The following METTL16 variants were observed in gnomAD, a reference collection of about 807,000 sequenced individuals.
The protein encoded by METTL16 is RNA N(6)-adenosine-methyltransferase METTL16.
METTL16 carries 19 observed loss-of-function variants against 57.9 expected under a neutral mutation model. The observed-to-expected ratio is 0.33, with a 90% CI of 0.23 to 0.48. The LOEUF (loss-of-function observed/expected upper bound fraction) is 0.48. Among genes scored for constraint, METTL16 ranks in the 20% least tolerant of loss-of-function variants. METTL16 has a pLI of 0.99. For synonymous variants in METTL16, 246 were observed against 255.6 expected (o/e 0.96, Z 0.36); for missense variants, 434 against 691.5 (o/e 0.63, Z 4.18).
rs1227770322 is a variant in METTL16, at chr17:2,418,248, A to T, written c.*1722T>A. 1 of 151,742 alleles carries T rather than the reference A, an allele frequency of 6.6e-6. No homozygotes were observed. The highest frequency in any genetic ancestry group is 1.5e-5 in the Non-Finnish European group (1 of 67,948). 9.4% of individuals were successfully genotyped at this position (151,742 alleles called of 1,614,324 possible). A position where few individuals can be genotyped will look rare whatever the true frequency, so the allele number is the denominator to read the frequency against. ...CATGCTCACAGAGCTTTTAGAAGTA[A>T]CTCTAGGAGGTACATGGACTCTCTG... On this transcript the variant is annotated 3_prime_UTR_variant, in exon 10 of 10. Coordinates refer to ENST00000263092, the MANE Select transcript of METTL16 (RefSeq NM_024086.4).
chr17:2,447,960 G>GC (rs2067023251), intron 6 of METTL16, among the ~76,000 whole-genome samples: 2 of 107,310 alleles, frequency 1.9e-5, no homozygotes, highest in African/African-American at 4.0e-5. Flanking sequence ...GGGGGGATCA[G>GC]CCCCCCGCCT....
intron 1 of METTL16, among the ~76,000 whole-genome samples, chr17:2,507,513 G>A (rs1266889813): frequency 4.7e-5 from 7 of 148,926 alleles, no homozygotes; most frequent in Non-Finnish European, 9.0e-5. Context: ...GGGGGGGTCA[G>A]CCCCCCGCCC....
intron 2 of METTL16, among the ~76,000 whole-genome samples, chr17:2,485,525 T>C (rs368881160): frequency 2.1e-4 from 32 of 152,260 alleles, no homozygotes; most frequent in East Asian, 7.7e-4. Context: ...AACAGTAGAA[T>C]TGTAAAGAAA....
At chr17:2,494,998 A>G (rs112141753) in intron 2 of METTL16, among the ~76,000 whole-genome samples, 4,068 of 151,786 alleles carry the variant, frequency 0.027, 98 homozygotes, top group African/African-American at 0.067. Context: ...AGACAGATCT[A>G]GGCAAAGTAA....
intron 1 of METTL16, among the ~76,000 whole-genome samples, chr17:2,502,629 A>T (rs1187502080): frequency 6.6e-6 from 1 of 152,022 alleles, no homozygotes; most frequent in Non-Finnish European, 1.5e-5. Context: ...TGGAGGGTGC[A>T]GTGAGCCGAG....
chr17:2,437,584 C>T lies in METTL16; in HGVS notation c.888+525G>A, dbSNP rs555067951. On this transcript the variant is annotated intron_variant, in intron 8 of 9. Coordinates refer to ENST00000263092, the MANE Select transcript of METTL16 (RefSeq NM_024086.4). ...TTAATATTTTTGAGACAGAGTCTTG[C>T]TCTGTGGCCCAGGCTGGAGTGCAGT... Among the ~76,000 whole-genome samples the T allele has an allele frequency of 1.2e-3, 180 of 152,254 alleles. 1 individual carries two copies. The highest frequency in any genetic ancestry group is 2.1e-3 in the Non-Finnish European group (143 of 68,014).
At chr17:2,480,121 G>A (rs2067294620) in intron 2 of METTL16, among the ~76,000 whole-genome samples, 1 of 151,344 alleles carries the variant, frequency 6.6e-6, no homozygotes, top group African/African-American at 2.4e-5. Context: ...GGAAGGCAGA[G>A]GTTGCAGTGA....
At chr17:2,461,450 C>T (rs949189730) in intron 6 of METTL16, among the ~76,000 whole-genome samples, 2 of 152,016 alleles carry the variant, frequency 1.3e-5, no homozygotes, top group Non-Finnish European at 2.9e-5. Context: ...CAGCTTTCCA[C>T]CTTTGGGAGA....
In METTL16 at chr17:2,439,272, G is replaced by A. The variant is rs185154994; in HGVS notation, c.799-1074C>T. ...CTACAAGCACGCGCCATCACACTTG[G>A]CTAACTTTTTGTATTTTTTTGTTGA... On this transcript the variant is annotated intron_variant, in intron 7 of 9. Transcript: ENST00000263092. Among the ~76,000 whole-genome samples the A allele has an allele frequency of 9.9e-5, 15 of 152,136 alleles. No homozygotes were observed. The East Asian group carries it at 2.7e-3, about 27-fold the overall frequency.
chr17:2,475,029 C>T (rs1256052231), intron 3 of METTL16, among the ~76,000 whole-genome samples: 1 of 152,180 alleles, frequency 6.6e-6, no homozygotes, highest in East Asian at 1.9e-4. Flanking sequence ...CTACCAGCCA[C>T]TCTAGGCCTG....
chr17:2,484,774 G>A (rs1348628608), intron 2 of METTL16, among the ~76,000 whole-genome samples: 1 of 152,188 alleles, frequency 6.6e-6, no homozygotes, highest in African/African-American at 2.4e-5. Context: ...GATTACAGGT[G>A]TGAGCCACCG....
intron 1 of METTL16, among the ~76,000 whole-genome samples, chr17:2,508,099 C>G (rs865933020): frequency 1.4e-5 from 2 of 144,398 alleles, no homozygotes; most frequent in Non-Finnish European, 3.0e-5. Flanking sequence ...TCCCCCTCTG[C>G]GAGAAACACC....
At chr17:2,448,802 T>TAAAAAAAAAAAAAAAAAAAA (rs71150866) in intron 6 of METTL16, among the ~76,000 whole-genome samples, 1 of 43,640 alleles carries the variant, frequency 2.3e-5, no homozygotes. Flanking sequence ...AAATAAAATT[T>TAAAAAAAAAAAAAAAAAAAA]AAAAAAAAAA....
At chr17:2,435,516 C>T (rs1240781081) in intron 8 of METTL16, among the ~76,000 whole-genome samples, 1 of 152,096 alleles carries the variant, frequency 6.6e-6, no homozygotes, top group African/African-American at 2.4e-5. Context: ...GGGACGACCC[C>T]CTGGGGAAAG....
At chr17:2,429,272 T>A (rs942785443) in intron 8 of METTL16, among the ~76,000 whole-genome samples, 2 of 141,410 alleles carry the variant, frequency 1.4e-5, no homozygotes, top group African/African-American at 2.7e-5. Flanking sequence ...CACTGCAACC[T>A]CCACCTCCCG....
intron 8 of METTL16, among the ~76,000 whole-genome samples, chr17:2,436,078 C>T (rs755263573): frequency 1.3e-5 from 2 of 152,080 alleles, no homozygotes; most frequent in South Asian, 2.1e-4. Context: ...ATGTGGGAGG[C>T]GGGTGAAGCA....
chr17:2,502,314 T>G lies in METTL16; in HGVS notation c.18A>C (p.Ser6=). 1 of 1,613,596 alleles carries G rather than the reference T, an allele frequency of 6.2e-7. No homozygotes were observed. The highest frequency in any genetic ancestry group is 8.5e-7 in the Non-Finnish European group (1 of 1,179,866). ...CCTTGTATCTATTTCTTGCATGCAT[T>G]GATTTACTCAGAGCCATCTTAAGGA... is the stretch of plus-strand genomic sequence containing the variant. MALSK[S]MHARNRYKDK... Residue 6 remains serine, a synonymous_variant, in exon 2 of 10, where the codon TCA becomes TCC. Coordinates refer to ENST00000263092, the MANE Select transcript of METTL16 (RefSeq NM_024086.4).
intron 8 of METTL16, among the ~76,000 whole-genome samples, chr17:2,431,135 CAG>C (rs2066871243): frequency 6.6e-6 from 1 of 151,986 alleles, no homozygotes; most frequent in Non-Finnish European, 1.5e-5. Context: ...TTAGTAGAGA[CAG>C]AGTTTCACTA....
intron 6 of METTL16, among the ~76,000 whole-genome samples, chr17:2,453,023 C>T (rs1173022176): frequency 6.6e-6 from 1 of 152,014 alleles, no homozygotes; most frequent in Non-Finnish European, 1.5e-5. Flanking sequence ...CCACAACAGG[C>T]TAATTTTTGT....
Sources: allele counts gnomAD v4.1 joint callset (sites outside exome capture counted in the v4.1 genomes callset), GRCh38; gene constraint gnomAD v4.1.1; transcripts MANE v1.5; gene names NCBI Gene and HGNC (gene_info 2026-07-23, HGNC 2026-07-21).